WIPF1: variants seen among roughly 807,000 people sequenced by gnomAD.
WIPF1 encodes WAS/WASL-interacting protein family member 1.
Under a neutral mutation model 35.4 loss-of-function variants are expected in WIPF1, and 13 were observed. That is an observed-to-expected ratio of 0.37 (90% CI 0.24 to 0.58). The LOEUF (loss-of-function observed/expected upper bound fraction) is 0.58. WIPF1 is among the 20% of genes least tolerant of loss of function. The pLI is 0.74. For missense variants in WIPF1, 591 were observed against 667.0 expected, an observed-to-expected ratio of 0.89 and a Z score of 1.25; for synonymous variants, 267 against 266.3, an observed-to-expected ratio of 1.00 and a Z score of -0.02.
At chr2:174,658,735 C>T (rs561475872) in intron 1 of WIPF1, among the ~76,000 whole-genome samples, 3 of 151,192 alleles carry the variant, frequency 2.0e-5, no homozygotes, top group East Asian at 2.0e-4. Flanking sequence ...TGTTCTATAG[C>T]GGGATGGTCT....
intron 1 of WIPF1, among the ~76,000 whole-genome samples, chr2:174,624,520 C>T (rs1010817144): frequency 2.0e-5 from 3 of 152,174 alleles, no homozygotes; most frequent in Non-Finnish European, 4.4e-5. Context: ...TCCTAGACGC[C>T]AATCCAAATT....
intron 4 of WIPF1, 102 bp from the exon 5 acceptor site, chr2:174,572,548 G>A (rs1026352407): frequency 1.4e-6 from 2 of 1,448,376 alleles, no homozygotes; most frequent in African/African-American, 1.4e-5. Context: ...TTCCTCAGAG[G>A]GCTATAAAAT....
chr2:174,599,920 G>T (rs375575526), upstream of WIPF1, among the ~76,000 whole-genome samples: 59 of 152,174 alleles, frequency 3.9e-4, no homozygotes, highest in South Asian at 0.012. Context: ...GACTGGTTTT[G>T]TGGAAGATAA....
chr2:174,608,002 A>C (rs1374034060), intron 1 of WIPF1, among the ~76,000 whole-genome samples: 2 of 152,164 alleles, frequency 1.3e-5, no homozygotes, highest in African/African-American at 4.8e-5. Flanking sequence ...AAATTGTTAG[A>C]TTTGCTCTCC....
intron 5 of WIPF1, among the ~76,000 whole-genome samples, chr2:174,569,673 A>G (rs1402483872): frequency 6.6e-6 from 1 of 152,220 alleles, no homozygotes; most frequent in South Asian, 2.1e-4. Flanking sequence ...ATATAACTAT[A>G]TGCCAGGAAA....
At chr2:174,665,430 C>T (rs1687870807) in intron 1 of WIPF1, 1 of 152,178 alleles carries the variant, frequency 6.6e-6, no homozygotes, top group Non-Finnish European at 1.5e-5. Context: ...CCTCATCAAC[C>T]GTGAAAGATT....
At chr2:174,584,110 A>C (rs2105837737) in intron 2 of WIPF1, among the ~76,000 whole-genome samples, 1 of 152,344 alleles carries the variant, frequency 6.6e-6, no homozygotes, top group Admixed American at 6.5e-5. Flanking sequence ...GTCTTTTGAA[A>C]AATATTTTCA....
At chr2:174,627,891 C>G (rs1031280114) in intron 1 of WIPF1, among the ~76,000 whole-genome samples, 1 of 152,088 alleles carries the variant, frequency 6.6e-6, no homozygotes, top group African/African-American at 2.4e-5. Flanking sequence ...TATTACATCT[C>G]ATTTTTTAAT....
chr2:174,570,760 CTT>C (rs1362158479), intron 5 of WIPF1: 2 of 152,158 alleles, frequency 1.3e-5, no homozygotes, highest in Admixed American at 6.5e-5. Flanking sequence ...TCAAAGGTCT[CTT>C]ATCTCTGCGT....
intron 1 of WIPF1, among the ~76,000 whole-genome samples, chr2:174,645,020 G>A (rs1687375094): frequency 6.6e-6 from 1 of 152,086 alleles, no homozygotes; most frequent in Non-Finnish European, 1.5e-5. Context: ...TTTTCATAGA[G>A]AAGCCTAGAG....
intron 1 of WIPF1, among the ~76,000 whole-genome samples, chr2:174,608,267 G>A (rs548520873): frequency 3.3e-5 from 5 of 152,180 alleles, no homozygotes; most frequent in Non-Finnish European, 5.9e-5. Flanking sequence ...ACGGCTTCAC[G>A]TACTCATATC....
chr2:174,618,528 T>C (rs546922502), intron 1 of WIPF1, among the ~76,000 whole-genome samples: 1 of 152,284 alleles, frequency 6.6e-6, no homozygotes. Context: ...TCTAATAATA[T>C]TAATACTAAC....
intron 1 of WIPF1, among the ~76,000 whole-genome samples, chr2:174,662,898 G>A (rs1422966392): frequency 6.6e-6 from 1 of 151,988 alleles, no homozygotes; most frequent in African/African-American, 2.4e-5. Context: ...AACAAGTGTT[G>A]GTAAAATATT....
At chr2:174,656,912 C>T (rs1279923274) in intron 1 of WIPF1, among the ~76,000 whole-genome samples, 6 of 152,188 alleles carry the variant, frequency 3.9e-5, no homozygotes, top group Admixed American at 2.0e-4. Flanking sequence ...CTAGTAAAAA[C>T]AAAATAGACA....
At chr2:174,641,708 G>A (rs1265079409) in intron 1 of WIPF1, among the ~76,000 whole-genome samples, 1 of 152,182 alleles carries the variant, frequency 6.6e-6, no homozygotes, top group Non-Finnish European at 1.5e-5. Context: ...AATACTGATA[G>A]TGCCTTACTC....
intron 7 of WIPF1, chr2:174,566,293 G>A (rs1010696005): frequency 2.0e-5 from 3 of 152,146 alleles, no homozygotes; most frequent in Non-Finnish European, 4.4e-5. Context: ...TACATTTACT[G>A]TTATAAAATT....
upstream of WIPF1, chr2:174,597,879 T>C (rs1364298218): frequency 6.6e-6 from 1 of 152,610 alleles, no homozygotes; most frequent in African/African-American, 2.4e-5. Flanking sequence ...AGAAACTAGA[T>C]TGGTTTTGCT....
intron 1 of WIPF1, among the ~76,000 whole-genome samples, chr2:174,673,028 A>G (rs1211160498): frequency 1.3e-5 from 2 of 152,220 alleles, no homozygotes; most frequent in Non-Finnish European, 2.9e-5. Context: ...GGTGGGCAAG[A>G]GGACATCAGC....
chr2:174,658,725 T>C (rs1039535292), intron 1 of WIPF1, among the ~76,000 whole-genome samples: 8 of 151,308 alleles, frequency 5.3e-5, no homozygotes, highest in Non-Finnish European at 1.0e-4. Context: ...GTTCAGACCA[T>C]GTTCTATAGC....
Sources: gnomAD v4.1 joint callset for allele counts (sites outside exome capture counted in the v4.1 genomes callset) on GRCh38, gnomAD v4.1.1 for gene constraint, MANE v1.5 for transcripts, NCBI Gene and HGNC (gene_info 2026-07-23, HGNC 2026-07-21) for gene names.